CFAP92: variants seen among roughly 807,000 people sequenced by gnomAD.
CFAP92 encodes the protein uncharacterized protein CFAP92.
CFAP92 carries 86 observed loss-of-function variants against 106.3 expected under a neutral mutation model. That is an observed-to-expected ratio of 0.81 (90% confidence interval 0.68 to 0.97). The LOEUF (loss-of-function observed/expected upper bound fraction) is 0.97, where lower values mean the gene tolerates loss of function less well. CFAP92 is among the 50% of genes least tolerant of loss of function. The pLI is 0.00. For missense variants in CFAP92, 1,204 were observed against 1,283.8 expected, an observed-to-expected ratio of 0.94 and a Z score of 0.95; for synonymous variants, 477 against 506.4, an observed-to-expected ratio of 0.94 and a Z score of 0.78.
At chr3:128,998,204 A>G (rs1944552960), upstream of CFAP92, among the ~76,000 whole-genome samples, 1 of 152,146 alleles carries the variant, frequency 6.6e-6, no homozygotes, top group African/African-American at 2.4e-5. Context: ...TAAGTCCTTT[A>G]CTGGGCATAT....
intron 15 of CFAP92, among the ~76,000 whole-genome samples, chr3:128,911,651 A>C (rs2107669404): frequency 6.6e-6 from 1 of 151,858 alleles, no homozygotes; most frequent in African/African-American, 2.4e-5. Flanking sequence ...CATGTTGGCC[A>C]AGCTGGTCTC....
intron 1 of CFAP92, among the ~76,000 whole-genome samples, chr3:129,001,031 A>C (rs1346670606): frequency 6.6e-6 from 1 of 152,200 alleles, no homozygotes; most frequent in African/African-American, 2.4e-5. Context: ...AGCGGAGGGG[A>C]GGCTTTTCCG....
At chr3:128,910,713 A>G (rs778095534) in intron 15 of CFAP92, 1 of 1,613,718 alleles carries the variant, frequency 6.2e-7, no homozygotes, top group Non-Finnish European at 8.5e-7. Context: ...GAATTTGGGC[A>G]TATCTTTTCT....
At chr3:128,925,269 A>G (rs184846682) in intron 12 of CFAP92, among the ~76,000 whole-genome samples, 1 of 152,266 alleles carries the variant, frequency 6.6e-6, no homozygotes, top group East Asian at 1.9e-4. Flanking sequence ...GGAACATGCA[A>G]CCTAGAACCC....
chr3:128,997,470 T>C (rs1210680247), upstream of CFAP92, among the ~76,000 whole-genome samples: 1 of 152,248 alleles, frequency 6.6e-6, no homozygotes, highest in African/African-American at 2.4e-5. Flanking sequence ...AATTAATCTC[T>C]GTTCCAACTC....
At chr3:129,017,581 G>T in the CFAP92 span, among the ~76,000 whole-genome samples, 14 of 152,170 alleles carry the variant, frequency 9.2e-5, no homozygotes, top group Non-Finnish European at 2.1e-4. Flanking sequence ...GTCAGCTGGG[G>T]TTGCTCTCTG....
chr3:128,961,214 C>T (rs530645836), intron 9 of CFAP92, among the ~76,000 whole-genome samples: 51 of 152,288 alleles, frequency 3.3e-4, no homozygotes, highest in Non-Finnish European at 6.5e-4. Flanking sequence ...AATAGGCAAA[C>T]GGTCTGAGGT....
intron 12 of CFAP92, among the ~76,000 whole-genome samples, chr3:128,921,970 T>C (rs955623224): frequency 3.3e-5 from 5 of 152,166 alleles, no homozygotes; most frequent in African/African-American, 1.2e-4. Flanking sequence ...AGTTGGTCTG[T>C]TACTTGGAAG....
chr3:128,944,933 T>A, intron 10 of CFAP92, 138 bp downstream of exon 10: 1 of 754,050 alleles, frequency 1.3e-6, no homozygotes, highest in Non-Finnish European at 2.1e-6. Flanking sequence ...TAAACCCTGG[T>A]AAGTACCTCA....
At chr3:128,995,249 C>A (rs543731297), upstream of CFAP92, among the ~76,000 whole-genome samples, 1 of 152,190 alleles carries the variant, frequency 6.6e-6, no homozygotes, top group Non-Finnish European at 1.5e-5. Flanking sequence ...CTCCCCAGAC[C>A]GCTCTCAGGG....
At chr3:128,938,672 T>G (rs1026757977) in intron 10 of CFAP92, among the ~76,000 whole-genome samples, 42 of 151,850 alleles carry the variant, frequency 2.8e-4, no homozygotes, top group Admixed American at 2.0e-4. Context: ...TTTTGTATTT[T>G]TAGTAGAGAC....
In CFAP92 at chr3:128,971,297, C is replaced by G. The variant is rs548028599; in HGVS notation, c.1158G>C (p.Pro386=). ...GCAAGCAGTGGGTACCGGCAAGGAGCGGCATGACGGCCAGCTGGATGGAGA... is the reference window on the plus strand; with the variant it reads ...GCAAGCAGTGGGTACCGGCAAGGAGGGGCATGACGGCCAGCTGGATGGAGA... ...SAFSIQLAVM[P]LLAGWQTVVS... Residue 386 remains proline (P), a synonymous_variant, in exon 8 of 16, where the codon CCG becomes CCC. Coordinates refer to ENST00000645291, the MANE Select transcript of CFAP92 (RefSeq NM_001394090.1). The G allele has an allele frequency of 6.2e-7, 1 of 1,613,532 alleles. No homozygotes were observed. The highest frequency in any genetic ancestry group is 1.3e-5 in the African/African-American group (1 of 74,922).
chr3:129,001,899 G>A (rs1944784152), intron 1 of CFAP92: 2 of 1,538,536 alleles, frequency 1.3e-6, no homozygotes, highest in Non-Finnish European at 1.8e-6. Context: ...GCTGCGCGCG[G>A]AGGGGGCCAC....
intron 2 of CFAP92, chr3:128,991,466 T>C (rs962489695): frequency 1.3e-5 from 2 of 153,744 alleles, no homozygotes; most frequent in Admixed American, 1.3e-4. Flanking sequence ...TCCCAAGGCG[T>C]AAGGTCACTT....
chr3:129,017,995 A>C, the CFAP92 span, among the ~76,000 whole-genome samples: 1 of 152,238 alleles, frequency 6.6e-6, no homozygotes, highest in Non-Finnish European at 1.5e-5. Flanking sequence ...CATTGAAGCA[A>C]GAAAATAACA....
intron 12 of CFAP92, among the ~76,000 whole-genome samples, chr3:128,921,110 C>T (rs910095324): frequency 6.6e-6 from 1 of 152,156 alleles, no homozygotes; most frequent in Admixed American, 6.6e-5. Context: ...CCCCTGGTCC[C>T]ACTTTATGCA....
intron 8 of CFAP92, chr3:128,968,623 T>C (rs1942555283): frequency 6.6e-6 from 1 of 152,226 alleles, no homozygotes. Context: ...TCAGCTCCTG[T>C]GATCCTTAAA....
At chr3:128,979,144 A>T (rs1383930995) in intron 4 of CFAP92, among the ~76,000 whole-genome samples, 3 of 152,270 alleles carry the variant, frequency 2.0e-5, no homozygotes, top group Non-Finnish European at 4.4e-5. Context: ...AAAGGATATG[A>T]ACAGACACTT....
At position 128,987,793 on chromosome 3, in the gene CFAP92, C is replaced by T; in HGVS notation, c.490G>A (p.Val164Met). Reference protein sequence around the residue: ...KPWHEGDKAWVSWEQTFNITV... With the variant: ...KPWHEGDKAWMSWEQTFNITV... The stretch of plus-strand genomic sequence containing the variant: ...ATATTAAAAGTCTGCTCCCACGACA[C>T]CCAGGCTTTGTCACCTTCGTGCCAC... Residue 164 changes from valine (V) to methionine (M), a missense_variant, in exon 4 of 16, where the codon GTG becomes ATG. Coordinates refer to ENST00000645291, the MANE Select transcript of CFAP92 (RefSeq NM_001394090.1). 2 of 1,613,114 alleles carry T rather than the reference C, an allele frequency of 1.2e-6. No homozygotes were observed. The highest frequency in any genetic ancestry group is 2.2e-5 in the South Asian group (2 of 90,990).
Sources: gnomAD v4.1 joint callset for allele counts (sites outside exome capture counted in the v4.1 genomes callset) on GRCh38, gnomAD v4.1.1 for gene constraint, MANE v1.5 for transcripts, NCBI Gene and HGNC (gene_info 2026-07-23, HGNC 2026-07-21) for gene names.